Variants in INPP4B observed in about 807,000 individuals in gnomAD.
INPP4B encodes the protein inositol polyphosphate 4-phosphatase type II.
Under a neutral mutation model 122.5 loss-of-function variants are expected in INPP4B, and 55 were observed. The ratio of observed to expected loss-of-function variants is 0.45; its 90% CI spans 0.36 to 0.56. The LOEUF is 0.56. Ranked by LOEUF, INPP4B falls within the 20% of genes least tolerant of loss-of-function variation. The pLI is 0.00. For synonymous variants in INPP4B, 403 were observed against 388.7 expected (o/e 1.04, Z -0.43); for missense variants, 1,000 against 1,097.7 (o/e 0.91, Z 1.26).
intron 9 of INPP4B, among the ~76,000 whole-genome samples, chr4:142,273,262 G>A (rs948390162): frequency 6.6e-6 from 1 of 151,924 alleles, no homozygotes. Flanking sequence ...TATTGGAACA[G>A]TAACAGTAGC....
intron 21 of INPP4B, among the ~76,000 whole-genome samples, chr4:142,117,974 TAAC>T (rs1794565031): frequency 6.6e-6 from 1 of 152,094 alleles, no homozygotes; most frequent in Non-Finnish European, 1.5e-5. Context: ...TGTACAAAAA[TAAC>T]AAGCTTTACT....
At chr4:142,824,320 C>CTATCTA (rs144312014) in intron 1 of INPP4B, among the ~76,000 whole-genome samples, 34 of 123,424 alleles carry the variant, frequency 2.8e-4, no homozygotes, top group African/African-American at 1.2e-3. Context: ...ATCTATCTAT[C>CTATCTA]TCTATCTCTA....
At chr4:142,230,778 C>A (rs1460458077) in intron 12 of INPP4B, among the ~76,000 whole-genome samples, 1 of 151,392 alleles carries the variant, frequency 6.6e-6, no homozygotes, top group Non-Finnish European at 1.5e-5. Flanking sequence ...GTATTATTTT[C>A]ATGGCAAAAA....
At chr4:142,567,842 T>C (rs999293248) in intron 2 of INPP4B, among the ~76,000 whole-genome samples, 2 of 151,968 alleles carry the variant, frequency 1.3e-5, no homozygotes, top group Non-Finnish European at 2.9e-5. Context: ...TGTAAATGAA[T>C]AAGAAAAAAA....
At chr4:142,702,391 C>T (rs777412868) in intron 2 of INPP4B, among the ~76,000 whole-genome samples, 2 of 152,008 alleles carry the variant, frequency 1.3e-5, no homozygotes, top group Non-Finnish European at 2.9e-5. Context: ...ATTGCAAAAA[C>T]ATAAAAATAG....
At chr4:142,769,855 A>C (rs1448213539) in intron 1 of INPP4B, among the ~76,000 whole-genome samples, 1 of 152,186 alleles carries the variant, frequency 6.6e-6, no homozygotes, top group Non-Finnish European at 1.5e-5. Context: ...CAGAGGTGGC[A>C]GTGAGCTGAG....
At chr4:142,676,524 T>C (rs1163600845) in intron 2 of INPP4B, among the ~76,000 whole-genome samples, 5 of 151,972 alleles carry the variant, frequency 3.3e-5, no homozygotes, top group Non-Finnish European at 5.9e-5. Flanking sequence ...AATGAGCCCA[T>C]ATAGCCAAGA....
chr4:142,060,754 G>T (rs561471238), intron 25 of INPP4B, among the ~76,000 whole-genome samples: 1 of 152,234 alleles, frequency 6.6e-6, no homozygotes. Flanking sequence ...CCTGGCCAAG[G>T]GGTCTCAGGC....
At chr4:142,171,209 C>A (rs1302247351) in intron 16 of INPP4B, among the ~76,000 whole-genome samples, 1 of 151,706 alleles carries the variant, frequency 6.6e-6, no homozygotes, top group Non-Finnish European at 1.5e-5. Flanking sequence ...TCCCCAGGGG[C>A]CCCAAGTCTA....
chr4:142,204,097 GA>G (rs199864136), intron 14 of INPP4B, among the ~76,000 whole-genome samples: 1,864 of 152,136 alleles, frequency 0.012, 16 homozygotes, highest in Admixed American at 0.018. Context: ...ATGACACTCA[GA>G]GAGGTCAAAT....
At chr4:142,507,659 G>T (rs1397675944) in intron 2 of INPP4B, among the ~76,000 whole-genome samples, 1 of 152,060 alleles carries the variant, frequency 6.6e-6, no homozygotes, top group Non-Finnish European at 1.5e-5. Context: ...ATCATCATTT[G>T]CTGAGAGTAT....
rs1300295441 is a variant in INPP4B at position 142,270,781 on chromosome 4, C to CA, written c.504-8dup. On this transcript the variant is annotated splice_region_variant and splice_polypyrimidine_tract_variant and intron_variant, in intron 9 of 25. Coordinates refer to ENST00000262992, the MANE Select transcript of INPP4B (RefSeq NM_001101669.3). Reference sequence around the variant, plus strand: ...TTTGCCACCATCTGAAGTTCTGCAACAAAAAATACACGAAATGGAAAGGTA... The same window carrying CA: ...TTTGCCACCATCTGAAGTTCTGCAACAAAAAAATACACGAAATGGAAAGGTA... 3.2e-6 allele frequency: 5 copies of CA among 1,575,398 alleles called. No individual in the cohort carries two copies. Among genetic ancestry groups the CA allele is most frequent in the East Asian group, 2.2e-5 (1 of 44,710 alleles).
chr4:142,597,610 T>A (rs1738998559), intron 2 of INPP4B, among the ~76,000 whole-genome samples: 1 of 152,206 alleles, frequency 6.6e-6, no homozygotes, highest in African/African-American at 2.4e-5. Flanking sequence ...AAATCAGACA[T>A]GCTGCATATA....
chr4:142,423,733 C>T (rs1807424828), intron 5 of INPP4B: 9 of 422,586 alleles, frequency 2.1e-5, no homozygotes, highest in South Asian at 1.6e-4. Context: ...ATCCACATGA[C>T]ACTTTTTACA....
chr4:142,498,684 G>C (rs549668708), intron 2 of INPP4B, among the ~76,000 whole-genome samples: 1 of 152,022 alleles, frequency 6.6e-6, no homozygotes, highest in East Asian at 1.9e-4. Context: ...GCACCTACTC[G>C]AGAGGTTGAG....
intron 3 of INPP4B, among the ~76,000 whole-genome samples, chr4:142,438,726 A>T (rs1397643580): frequency 6.6e-6 from 1 of 152,216 alleles, no homozygotes; most frequent in Non-Finnish European, 1.5e-5. Context: ...GCTTCTGCAC[A>T]GCAAAACAAC....
intron 21 of INPP4B, among the ~76,000 whole-genome samples, chr4:142,120,012 C>A (rs1375543343): frequency 6.6e-6 from 1 of 151,680 alleles, no homozygotes; most frequent in Non-Finnish European, 1.5e-5. Context: ...GATCTATAAT[C>A]TATTGTGAGC....
chr4:142,375,729 T>C (rs1023871112), intron 7 of INPP4B, among the ~76,000 whole-genome samples: 8 of 151,966 alleles, frequency 5.3e-5, no homozygotes, highest in African/African-American at 1.7e-4. Flanking sequence ...AACTTTTGCA[T>C]TTATCTTGCA....
intron 10 of INPP4B, among the ~76,000 whole-genome samples, chr4:142,261,039 G>A (rs942644089): frequency 2.0e-5 from 3 of 152,190 alleles, no homozygotes; most frequent in Non-Finnish European, 2.9e-5. Flanking sequence ...GCAAAACAAC[G>A]CAAGCACTTG....
Sources: allele counts gnomAD v4.1 joint callset (sites outside exome capture counted in the v4.1 genomes callset), GRCh38; gene constraint gnomAD v4.1.1; transcripts MANE v1.5; gene names NCBI Gene and HGNC (gene_info 2026-07-23, HGNC 2026-07-21).